IL23R: variants seen among roughly 807,000 people sequenced by gnomAD.
The protein encoded by IL23R is interleukin-23 receptor.
In IL23R, 34 loss-of-function variants were observed where a neutral mutation model predicts 56.9. The ratio of observed to expected loss-of-function variants is 0.60; its 90% CI spans 0.45 to 0.80. The LOEUF is 0.80. IL23R is among the 30% of genes least tolerant of loss of function. The pLI is 0.00. For missense variants in IL23R, 635 were observed against 730.0 expected (o/e 0.87, Z 1.50); for synonymous variants, 230 against 249.2 (o/e 0.92, Z 0.73).
At chr1:67,195,443 A>G (rs1366150664) in intron 4 of IL23R, among the ~76,000 whole-genome samples, 10 of 152,302 alleles carry the variant, frequency 6.6e-5, no homozygotes, top group Non-Finnish European at 5.9e-5. Context: ...CAACAACGTT[A>G]TCATTCCTAT....
intron 6 of IL23R, among the ~76,000 whole-genome samples, chr1:67,210,917 TG>T (rs1649426965): frequency 6.6e-6 from 1 of 152,240 alleles, no homozygotes; most frequent in Non-Finnish European, 1.5e-5. Context: ...CAAATCCTTT[TG>T]CTGTTTAAGA....
At chr1:67,229,410 G>T (rs1287062898) in intron 7 of IL23R, among the ~76,000 whole-genome samples, 1 of 152,162 alleles carries the variant, frequency 6.6e-6, no homozygotes, top group Admixed American at 6.5e-5. Flanking sequence ...TGCATCACCT[G>T]CCAGGAACCT....
chr1:67,206,262 C>T (rs1029468986), intron 5 of IL23R, among the ~76,000 whole-genome samples: 1 of 152,258 alleles, frequency 6.6e-6, no homozygotes, highest in African/African-American at 2.4e-5. Context: ...GATCTGCCCA[C>T]CTCGGCCTCC....
Position 67,250,367 on chromosome 1 carries a change from A to T in IL23R, c.1149-5470A>T. ...TTTTACTTTAGGACAAGAATTTACC[A>T]TACAACTTTCTTTCTTATATAAAAT... On this transcript the variant is annotated intron_variant, in intron 9 of 10. Coordinates refer to ENST00000347310, the MANE Select transcript of IL23R (RefSeq NM_144701.3). Among the ~76,000 whole-genome samples the T allele has an allele frequency of 1.3e-5, 2 of 152,206 alleles. 1 individual carries two copies. Among genetic ancestry groups the T allele is most frequent in the East Asian group, 3.8e-4 (2 of 5,196 alleles).
chr1:67,148,275 G>A lies in IL23R; in HGVS notation c.-634+9114G>A, dbSNP rs777892227. 9.8e-5 allele frequency among the ~76,000 whole-genome samples: 15 copies of A among 152,364 alleles called. No homozygotes were observed. The South Asian group carries it at 2.1e-3, about 21-fold the overall frequency. On this transcript the variant is annotated intron_variant, in intron 1 of 10. Transcript: ENST00000637002. The stretch of plus-strand genomic sequence containing the variant: ...GCGAGCGAAAGCTCAGCTCCAGCCA[G>A]AACAAACGTGGACCAGAAGAGTGTG...
In IL23R at chr1:67,236,761, G is replaced by T. The variant is rs752038555; in HGVS notation, c.1004G>T (p.Gly335Val). Reference sequence around the variant, plus strand: ...TTCCAACATGACACATGGAATTCTGGGCTAACAGTTGCTTCCATCTCTACA... The same window carrying T: ...TTCCAACATGACACATGGAATTCTGTGCTAACAGTTGCTTCCATCTCTACA... ...KAFQHDTWNS[G>V]LTVASISTGH... The change falls in exon 8 of 11, where the codon GGG (glycine) becomes GTG (valine). Residue 335 changes from glycine (G) to valine (V), a missense_variant. Coordinates refer to ENST00000347310, the MANE Select transcript of IL23R (RefSeq NM_144701.3). 1.2e-6 allele frequency: 2 copies of T among 1,613,616 alleles called. No individual in the cohort carries two copies. The highest frequency in any genetic ancestry group is 1.7e-6 in the Non-Finnish European group (2 of 1,179,674).
intron 3 of IL23R, among the ~76,000 whole-genome samples, chr1:67,175,061 T>G (rs1480332498): frequency 1.3e-5 from 2 of 151,964 alleles, no homozygotes; most frequent in Non-Finnish European, 2.9e-5. Context: ...TTAGTCGGCC[T>G]ACCTCAGAGG....
chr1:67,178,791 C>T (rs557754349), intron 3 of IL23R, among the ~76,000 whole-genome samples: 209 of 152,310 alleles, frequency 1.4e-3, no homozygotes, highest in African/African-American at 4.8e-3. Flanking sequence ...AGATACGTCC[C>T]ACTAATACCT....
chr1:67,170,007 A>G (rs1646922250), intron 3 of IL23R, among the ~76,000 whole-genome samples: 1 of 152,234 alleles, frequency 6.6e-6, no homozygotes, highest in Non-Finnish European at 1.5e-5. Flanking sequence ...GCCCCGTTAG[A>G]TTTAAAATGT....
In IL23R at chr1:67,207,059, A is replaced by G; in HGVS notation, c.798+4A>G. ...TACAACAAACCAAACTTGGAATGTA[A>G]GCTCAACTTTCATTATGCTTTAGCA... On this transcript the variant is annotated splice_donor_region_variant and intron_variant, in intron 6 of 10. Transcript: ENST00000347310. 1 of 1,613,990 alleles carries G rather than the reference A, an allele frequency of 6.2e-7. No individual in the cohort carries two copies. The highest frequency in any genetic ancestry group is 8.5e-7 in the Non-Finnish European group (1 of 1,179,896).
At chr1:67,195,935 G>T (rs1018879613) in intron 4 of IL23R, among the ~76,000 whole-genome samples, 1 of 152,172 alleles carries the variant, frequency 6.6e-6, no homozygotes, top group African/African-American at 2.4e-5. Flanking sequence ...GATGTAAGTG[G>T]CTAGCAAGTT....
At chr1:67,153,670 G>A (rs569708378) in intron 1 of IL23R, among the ~76,000 whole-genome samples, 1 of 152,204 alleles carries the variant, frequency 6.6e-6, no homozygotes, top group Non-Finnish European at 1.5e-5. Flanking sequence ...TGCGTTCAAA[G>A]AACTTCTTAA....
chr1:67,148,320 A>G (rs1646700188), intron 1 of IL23R, among the ~76,000 whole-genome samples: 1 of 152,170 alleles, frequency 6.6e-6, no homozygotes, highest in Non-Finnish European at 1.5e-5. Flanking sequence ...GATTTAATAG[A>G]GTGAAAACAG....
chr1:67,139,486 T>C (rs1646614441), intron 1 of IL23R, among the ~76,000 whole-genome samples: 1 of 152,150 alleles, frequency 6.6e-6, no homozygotes, highest in Non-Finnish European at 1.5e-5. Flanking sequence ...CTAAGAAAAC[T>C]CATATTCACA....
chr1:67,252,589 G>A (rs1422028360), intron 9 of IL23R, among the ~76,000 whole-genome samples: 2 of 151,306 alleles, frequency 1.3e-5, no homozygotes, highest in Non-Finnish European at 3.0e-5. Context: ...ACACAAGTAG[G>A]TCCAACAGGT....
At chr1:67,262,705 G>T (rs1302733309), downstream of IL23R, among the ~76,000 whole-genome samples, 1 of 152,082 alleles carries the variant, frequency 6.6e-6, no homozygotes, top group Non-Finnish European at 1.5e-5. Context: ...TCTAGCTCTT[G>T]TGTCTATTAT....
intron 7 of IL23R, among the ~76,000 whole-genome samples, chr1:67,235,778 T>A (rs1651433482): frequency 6.6e-6 from 1 of 152,210 alleles, no homozygotes; most frequent in African/African-American, 2.4e-5. Flanking sequence ...GACAGTCACA[T>A]GGGCCACACT....
At chr1:67,237,032 A>G (rs1280431097) in intron 8 of IL23R, among the ~76,000 whole-genome samples, 2 of 152,006 alleles carry the variant, frequency 1.3e-5, no homozygotes, top group East Asian at 3.9e-4. Context: ...ACATTTTTTA[A>G]AATTTTTATT....
intron 8 of IL23R, among the ~76,000 whole-genome samples, chr1:67,238,284 G>C (rs1651615696): frequency 6.7e-6 from 1 of 150,338 alleles, no homozygotes; most frequent in East Asian, 2.0e-4. Flanking sequence ...AGAGATAGAG[G>C]CTGCAGTGAG....
Sources: gnomAD v4.1 joint callset for allele counts (sites outside exome capture counted in the v4.1 genomes callset) on GRCh38, gnomAD v4.1.1 for gene constraint, MANE v1.5 for transcripts, NCBI Gene and HGNC (gene_info 2026-07-23, HGNC 2026-07-21) for gene names.